Variants in ANO4 observed in about 807,000 individuals in gnomAD.
The protein encoded by ANO4 is anoctamin 4.
A neutral mutation model predicts 141.9 loss-of-function variants in ANO4; 69 were observed. That is an observed-to-expected ratio of 0.49 (90% CI 0.40 to 0.59). The LOEUF (loss-of-function observed/expected upper bound fraction) is 0.59. ANO4 is among the 20% of genes least tolerant of loss of function. The probability of loss-of-function intolerance (pLI) is 0.00; values close to 1 mark genes in which losing one functional copy is unlikely to be tolerated. For synonymous variants in ANO4, 350 were observed against 394.3 expected, an observed-to-expected ratio of 0.89 and a Z score of 1.33; for missense variants, 894 against 1,162.2, an observed-to-expected ratio of 0.77 and a Z score of 3.36.
intron 24 of ANO4, 24 bp from the exon 25 acceptor site, chr12:101,116,655 G>A: frequency 6.2e-7 from 1 of 1,614,088 alleles, no homozygotes; most frequent in Non-Finnish European, 8.5e-7. Flanking sequence ...GTGTTCTAAT[G>A]GTAGAATGTG....
intron 2 of ANO4, among the ~76,000 whole-genome samples, chr12:100,912,410 G>A (rs12812080): frequency 0.018 from 886 of 48,236 alleles, no homozygotes; most frequent in Middle Eastern, 0.068. Flanking sequence ...AAAAAAAAAA[G>A]AAAAAAGAAA....
intron 8 of ANO4, among the ~76,000 whole-genome samples, chr12:101,003,626 G>A (rs7301822): frequency 0.083 from 12,645 of 152,206 alleles, 543 homozygotes; most frequent in Middle Eastern, 0.13. Flanking sequence ...GTGAGCTTAC[G>A]GGGCTCAGAT....
chr12:100,880,878 C>G (rs976804797), intron 1 of ANO4, among the ~76,000 whole-genome samples: 4 of 152,154 alleles, frequency 2.6e-5, no homozygotes, highest in African/African-American at 9.7e-5. Flanking sequence ...TAAAATCCCC[C>G]TCTTTGTATC....
At chr12:100,894,767 C>T (rs1233592310) in intron 1 of ANO4, among the ~76,000 whole-genome samples, 6 of 151,856 alleles carry the variant, frequency 4.0e-5, no homozygotes, top group African/African-American at 1.5e-4. Flanking sequence ...GAGATTGAGA[C>T]CATCCCGGCT....
chr12:100,885,350 T>C (rs2135969755), intron 1 of ANO4: 1 of 152,392 alleles, frequency 6.6e-6, no homozygotes, highest in South Asian at 2.1e-4. Flanking sequence ...CAGCCCATCT[T>C]CTTATGTTTC....
upstream of ANO4, among the ~76,000 whole-genome samples, chr12:100,791,617 T>C (rs549063213): frequency 6.6e-6 from 1 of 152,372 alleles, no homozygotes; most frequent in African/African-American, 2.4e-5. Context: ...CAAATTCATG[T>C]AACATGGTGG....
At chr12:101,111,508 T>A (rs2050663375) in intron 23 of ANO4, 55 bp from the exon 24 acceptor site, 1 of 1,420,974 alleles carries the variant, frequency 7.0e-7, no homozygotes, top group East Asian at 2.6e-5. Context: ...CATTTTTTCA[T>A]AATTATCACC....
intron 3 of ANO4, among the ~76,000 whole-genome samples, chr12:100,928,536 T>C (rs561108732): frequency 6.6e-6 from 1 of 152,282 alleles, no homozygotes; most frequent in South Asian, 2.1e-4. Flanking sequence ...AGGGCTGGCA[T>C]TTGAACTCAG....
intron 1 of ANO4, among the ~76,000 whole-genome samples, chr12:100,728,311 G>A (rs2031228491): frequency 6.6e-6 from 1 of 152,124 alleles, no homozygotes; most frequent in African/African-American, 2.4e-5. Context: ...GTGTAGTTTT[G>A]TCCACACTTT....
chr12:100,833,398 C>G (rs932634894), intron 1 of ANO4, among the ~76,000 whole-genome samples: 2 of 152,108 alleles, frequency 1.3e-5, no homozygotes, highest in Non-Finnish European at 2.9e-5. Flanking sequence ...CACTGATTCA[C>G]TAATTTATAT....
intron 3 of ANO4, among the ~76,000 whole-genome samples, chr12:100,746,607 G>T (rs2135485467): frequency 6.6e-6 from 1 of 152,268 alleles, no homozygotes; most frequent in Admixed American, 6.5e-5. Context: ...GATATTTTTG[G>T]TTGACACAAC....
chr12:100,843,352 C>T (rs74804721), intron 1 of ANO4, among the ~76,000 whole-genome samples: 2,139 of 152,188 alleles, frequency 0.014, 39 homozygotes, highest in Non-Finnish European at 0.018. Flanking sequence ...TCTGGACTGT[C>T]GACATTCCCC....
chr12:100,999,997 C>T (rs1326211966), intron 8 of ANO4, among the ~76,000 whole-genome samples: 6 of 149,164 alleles, frequency 4.0e-5, no homozygotes, highest in Non-Finnish European at 8.9e-5. Context: ...TGCAGTGAGC[C>T]GAGATCATGC....
intron 5 of ANO4, among the ~76,000 whole-genome samples, chr12:100,967,547 T>A (rs1447945656): frequency 6.9e-6 from 1 of 145,958 alleles, no homozygotes; most frequent in Admixed American, 7.2e-5. Context: ...ATACACTATA[T>A]TTTCCCTTAA....
At chr12:100,959,117 G>C (rs12425472) in intron 5 of ANO4, among the ~76,000 whole-genome samples, 25,115 of 151,528 alleles carry the variant, frequency 0.17, 2,362 homozygotes, top group East Asian at 0.42. Flanking sequence ...CCCCTCCACA[G>C]ACACACACAC....
chr12:100,854,443 ATT>A (rs2135863242), intron 1 of ANO4, among the ~76,000 whole-genome samples: 1 of 151,872 alleles, frequency 6.6e-6, no homozygotes, highest in Non-Finnish European at 1.5e-5. Flanking sequence ...TACTTTGAAT[ATT>A]CTCTCCCTTA....
chr12:101,008,018 T>C (rs368301308), intron 8 of ANO4, among the ~76,000 whole-genome samples: 28 of 152,320 alleles, frequency 1.8e-4, no homozygotes, highest in Middle Eastern at 3.4e-3. Flanking sequence ...TATTTGTCAG[T>C]CTAATCTAGT....
At chr12:100,788,986 G>A (rs1453601420) in intron 3 of ANO4, among the ~76,000 whole-genome samples, 3 of 152,064 alleles carry the variant, frequency 2.0e-5, no homozygotes, top group Non-Finnish European at 1.5e-5. Flanking sequence ...AAACAGATAT[G>A]CAGACCCTGG....
intron 15 of ANO4, among the ~76,000 whole-genome samples, chr12:101,081,874 C>T (rs543525655): frequency 3.9e-5 from 6 of 152,258 alleles, no homozygotes; most frequent in African/African-American, 1.4e-4. Context: ...CAAATTTCCT[C>T]TTCTTATAAA....
Sources: gnomAD v4.1 joint callset for allele counts (sites outside exome capture counted in the v4.1 genomes callset) on GRCh38, gnomAD v4.1.1 for gene constraint, MANE v1.5 for transcripts, NCBI Gene and HGNC (gene_info 2026-07-23, HGNC 2026-07-21) for gene names.